The following MAB21L3 variants were observed in gnomAD, a reference collection of about 807,000 sequenced individuals.
The protein encoded by MAB21L3 is mab-21 like 3, also known as protein mab-21-like 3.
In MAB21L3, 36 loss-of-function variants were observed where a neutral mutation model predicts 37.7. The observed-to-expected ratio is 0.96, with a 90% CI of 0.73 to 1.26. The LOEUF (loss-of-function observed/expected upper bound fraction) is 1.26. Ranked by LOEUF, MAB21L3 falls within the 50% of genes most tolerant of loss-of-function variation. MAB21L3 has a pLI of 0.00. For synonymous variants in MAB21L3, 186 were observed against 176.8 expected (o/e 1.05, Z -0.41); for missense variants, 430 against 447.3 (o/e 0.96, Z 0.35).
intron 7 of MAB21L3, among the ~76,000 whole-genome samples, chr1:116,132,204 G>A (rs569852667): frequency 3.9e-5 from 6 of 152,308 alleles, no homozygotes; most frequent in Admixed American, 2.6e-4. Context: ...TGCTGTGGTG[G>A]AGGCAACATA....
chr1:116,127,488 C>T lies in MAB21L3; in HGVS notation c.504C>T (p.Asn168=). The change falls in exon 6 of 8, where the codon AAC becomes AAT. Residue 168 remains asparagine, a synonymous_variant. Transcript: ENST00000369500. ...HLSGKVSLLG[N]RSAVWVAVET... is the part of the protein sequence containing the mutation. ...CAGGTAAGGTCAGCCTGCTAGGAAA[C>T]CGCTCTGCAGTTTGGGTTGCTGTGG... The T allele has an allele frequency of 6.2e-7, 1 of 1,614,018 alleles. No individual in the cohort carries two copies. Among genetic ancestry groups the T allele is most frequent in the East Asian group, 2.2e-5 (1 of 44,890 alleles).
In MAB21L3 at chr1:116,118,814, C is replaced by T. The variant is rs576940144; in HGVS notation, c.49-2118C>T. ...TTTTTCCTAGCTAACGCCTAGTAAG[C>T]TTTCAAGATACAACTCCAACACACT... On this transcript the variant is annotated intron_variant, in intron 3 of 7. Coordinates refer to ENST00000369500, the MANE Select transcript of MAB21L3 (RefSeq NM_152367.3). Among the ~76,000 whole-genome samples the T allele has an allele frequency of 1.2e-4, 18 of 152,308 alleles. No homozygotes were observed. In the South Asian group the frequency reaches 3.7e-3, roughly 32 times the overall value.
intron 7 of MAB21L3, among the ~76,000 whole-genome samples, chr1:116,130,560 G>T (rs1387218721): frequency 6.6e-6 from 1 of 152,216 alleles, no homozygotes; most frequent in Non-Finnish European, 1.5e-5. Context: ...ACTTGAGTGT[G>T]CTGGATCCTT....
At chr1:116,119,389 G>T (rs779543373) in intron 3 of MAB21L3, among the ~76,000 whole-genome samples, 2 of 148,888 alleles carry the variant, frequency 1.3e-5, no homozygotes. Flanking sequence ...TTGGCTTGCT[G>T]GTTGATGAGA....
At chr1:116,116,936 C>T (rs550099064) in intron 3 of MAB21L3, among the ~76,000 whole-genome samples, 10 of 152,000 alleles carry the variant, frequency 6.6e-5, no homozygotes, top group Admixed American at 2.0e-4. Context: ...GTGATCTTGT[C>T]CTGCTCGGTA....
intron 5 of MAB21L3, among the ~76,000 whole-genome samples, chr1:116,125,247 GT>G (rs1659870692): frequency 6.6e-6 from 1 of 152,124 alleles, no homozygotes; most frequent in Non-Finnish European, 1.5e-5. Context: ...GTAAATTGGT[GT>G]CTCCTTTTTA....
chr1:116,112,448 T>C lies in MAB21L3; in HGVS notation c.-168T>C. ...CACAATTTGGAAATAAAAACATGAG[T>C]GAAGGGTTCGGAAGGCAAGTCTCTG... On this transcript the variant is annotated 5_prime_UTR_variant, in exon 3 of 8. Transcript: ENST00000369500. The C allele has an allele frequency of 2.0e-6, 1 of 500,184 alleles. No individual in the cohort carries two copies. Among genetic ancestry groups the C allele is most frequent in the Non-Finnish European group, 3.6e-6 (1 of 278,016 alleles). 31.0% of individuals were successfully genotyped at this position (500,184 alleles called of 1,614,324 possible).
At chr1:116,130,080 C>G (rs2101618440) in intron 7 of MAB21L3, among the ~76,000 whole-genome samples, 1 of 152,346 alleles carries the variant, frequency 6.6e-6, no homozygotes, top group Middle Eastern at 3.4e-3. Context: ...GACGCAAACT[C>G]AAGTCTATCT....
Position 116,112,722 on chromosome 1 carries a change from A to G in MAB21L3, c.48+59A>G, listed in dbSNP as rs1659465131. On this transcript the variant is annotated intron_variant, in intron 3 of 7. Transcript: ENST00000369500. ...CTCCCCATTCACACTACTTCCAAAC[A>G]AACCTTCGTCCAGAAAGGATCTCAG... 5 of 1,566,134 alleles carry G rather than the reference A, an allele frequency of 3.2e-6. No homozygotes were observed. In the Middle Eastern group the frequency reaches 8.4e-4, roughly 262 times the overall value.
intron 7 of MAB21L3, among the ~76,000 whole-genome samples, chr1:116,128,964 C>T (rs1159105367): frequency 6.6e-6 from 1 of 152,236 alleles, no homozygotes; most frequent in Non-Finnish European, 1.5e-5. Context: ...TTCATGCCTT[C>T]ACTCACTCAT....
At position 116,120,928 on chromosome 1, in the gene MAB21L3, C is replaced by T. The variant is rs775595102; in HGVS notation, c.49-4C>T. 1.2e-6 allele frequency: 2 copies of T among 1,613,850 alleles called. No homozygotes were observed. The highest frequency in any genetic ancestry group is 1.1e-5 in the South Asian group (1 of 91,044). On this transcript the variant is annotated splice_polypyrimidine_tract_variant and splice_region_variant and intron_variant, in intron 3 of 7. Transcript: ENST00000369500. Reference sequence around the variant, plus strand: ...CCACCATTGCTGGTCCCTCTCACACCCAGGTGGACTTGAGGCGCCAGCAGA... The same window carrying T: ...CCACCATTGCTGGTCCCTCTCACACTCAGGTGGACTTGAGGCGCCAGCAGA...
Position 116,121,019 on chromosome 1 carries a change from G to T in MAB21L3, c.136G>T (p.Asp46Tyr). 6.2e-7 allele frequency: 1 copy of T among 1,614,056 alleles called. No individual in the cohort carries two copies. ...TTTGACCACAAACATCAGCAACCAA[G>T]ACATTAGATTTCAAGCTGTGCCTTA... ...HHLTTNISNQ[D>Y]IRFQAVPYSD... Residue 46 changes from aspartate to tyrosine, a missense_variant, in exon 4 of 8, where the codon GAC (aspartate) becomes TAC (tyrosine). By Grantham distance (160) the Asp-to-Tyr change is radical. Transcript: ENST00000369500.
chr1:116,129,461 C>G (rs901678866), intron 7 of MAB21L3, among the ~76,000 whole-genome samples: 5 of 152,208 alleles, frequency 3.3e-5, no homozygotes, highest in African/African-American at 1.2e-4. Flanking sequence ...GATGGACTCC[C>G]TTTCTACTCA....
chr1:116,127,018 G>A (rs140149928), intron 5 of MAB21L3, among the ~76,000 whole-genome samples: 111 of 152,310 alleles, frequency 7.3e-4, no homozygotes, highest in African/African-American at 2.5e-3. Context: ...ATGTTTGGTA[G>A]GTTCGGTGTA....
chr1:116,133,254 C>T lies in MAB21L3; in HGVS notation c.978C>T (p.His326=), dbSNP rs1173308055. ...GCGTGAGCCAGCACTTCCTGAAACA[C>T]TATTTCGTCCGGAACAGCAACCTCT... The part of the protein sequence containing the change: ...HKCVSQHFLK[H]YFVRNSNLFQ... Residue 326 remains histidine, a synonymous_variant, in exon 8 of 8, where the codon CAC becomes CAT. Coordinates refer to ENST00000369500, the MANE Select transcript of MAB21L3 (RefSeq NM_152367.3). 3.1e-6 allele frequency: 5 copies of T among 1,614,092 alleles called. No individual in the cohort carries two copies. The African/African-American group carries it at 5.3e-5, about 17-fold the overall frequency.
chr1:116,128,176 A>G lies in MAB21L3; in HGVS notation c.692A>G (p.Asn231Ser). The G allele has an allele frequency of 6.2e-7, 1 of 1,613,546 alleles. No individual in the cohort carries two copies. Among genetic ancestry groups the G allele is most frequent in the East Asian group, 2.2e-5 (1 of 44,868 alleles). The part of the protein sequence containing the change: ...SFGFNLLACS[N>S]YHWQLSFLRA... ...GGATTTAACTTGTTGGCCTGTTCAA[A>G]TTATCACTGGCAGCTGAGCTTCCTC... is the stretch of plus-strand genomic sequence containing the variant. Residue 231 changes from asparagine to serine, a missense_variant, in exon 7 of 8, where the codon AAT (asparagine) becomes AGT (serine). By Grantham distance (46) the Asn-to-Ser change is conservative. Transcript: ENST00000369500.
rs551797531 is a variant in MAB21L3, at chr1:116,127,254, G to A, written c.482-212G>A. Among the ~76,000 whole-genome samples, 17 of 152,242 alleles carry A rather than the reference G, an allele frequency of 1.1e-4. No homozygotes were observed. In the East Asian group the frequency reaches 1.3e-3, roughly 12 times the overall value. ...CAATGAGACTTCTTAGTAATGTTCC[G>A]ATGCTGGCTAGCTGACTAACCATCT... On this transcript the variant is annotated intron_variant, in intron 5 of 7. Transcript: ENST00000369500.
intron 4 of MAB21L3, among the ~76,000 whole-genome samples, chr1:116,121,989 C>A (rs1198038166): frequency 1.3e-5 from 2 of 152,176 alleles, no homozygotes; most frequent in Non-Finnish European, 2.9e-5. Context: ...CCATTTCTCA[C>A]AACAGACTGC....
intron 7 of MAB21L3, among the ~76,000 whole-genome samples, chr1:116,132,755 G>A (rs1468164385): frequency 6.6e-6 from 1 of 152,136 alleles, no homozygotes; most frequent in East Asian, 1.9e-4. Context: ...CCTGTGGAGG[G>A]ATCAGCCCCA....
Sources: allele counts gnomAD v4.1 joint callset (sites outside exome capture counted in the v4.1 genomes callset), GRCh38; gene constraint gnomAD v4.1.1; transcripts MANE v1.5; gene names NCBI Gene and HGNC (gene_info 2026-07-23, HGNC 2026-07-21).